NR6A1: variants seen among roughly 807,000 people sequenced by gnomAD.
The protein encoded by NR6A1 is nuclear receptor subfamily 6 group A member 1.
A neutral mutation model predicts 59.1 loss-of-function variants in NR6A1; 7 were observed. The observed-to-expected ratio is 0.12, with a 90% CI of 0.07 to 0.22. NR6A1 has a LOEUF of 0.22. Ranked by LOEUF, NR6A1 falls within the 10% of genes least tolerant of loss-of-function variation. The pLI is 1.00. For missense variants in NR6A1, 468 were observed against 611.6 expected (o/e 0.77, Z 2.48); for synonymous variants, 243 against 236.1 (o/e 1.03, Z -0.27).
chr9:124,759,696 C>T (rs936379666), intron 1 of NR6A1, among the ~76,000 whole-genome samples: 3 of 152,142 alleles, frequency 2.0e-5, no homozygotes, highest in Non-Finnish European at 4.4e-5. Flanking sequence ...TTGGGTTCAC[C>T]GAAGATTGTC....
At chr9:124,566,970 T>TAGTGGCGGGCGC (rs1157949236) in intron 2 of NR6A1, among the ~76,000 whole-genome samples, 3 of 150,670 alleles carry the variant, frequency 2.0e-5, no homozygotes, top group African/African-American at 7.3e-5. Context: ...TAGCCGGGCG[T>TAGTGGCGGGCGC]AGTGGCGGGC....
chr9:124,695,824 A>G (rs1838738431), intron 2 of NR6A1, among the ~76,000 whole-genome samples: 1 of 152,324 alleles, frequency 6.6e-6, no homozygotes, highest in South Asian at 2.1e-4. Flanking sequence ...AGAATGTCTG[A>G]CACGTACTTT....
chr9:124,581,874 T>C (rs1366619926), intron 2 of NR6A1, among the ~76,000 whole-genome samples: 1 of 152,166 alleles, frequency 6.6e-6, no homozygotes, highest in Admixed American at 6.5e-5. Flanking sequence ...CACAGTGAGA[T>C]ACCATCTCAC....
chr9:124,574,471 T>C (rs1588678438), intron 2 of NR6A1, among the ~76,000 whole-genome samples: 1 of 152,336 alleles, frequency 6.6e-6, no homozygotes, highest in South Asian at 2.1e-4. Flanking sequence ...CTTTCCTACA[T>C]GAGCTTGAAC....
At chr9:124,629,265 C>A (rs1183947051) in intron 2 of NR6A1, among the ~76,000 whole-genome samples, 1 of 152,174 alleles carries the variant, frequency 6.6e-6, no homozygotes, top group Non-Finnish European at 1.5e-5. Context: ...CAATTAAATT[C>A]GATTTTAACT....
intron 2 of NR6A1, among the ~76,000 whole-genome samples, chr9:124,583,097 G>A (rs1017300194): frequency 3.0e-4 from 45 of 152,132 alleles, no homozygotes; most frequent in Non-Finnish European, 5.7e-4. Context: ...TTCACAAGAT[G>A]TAAGTAAAAA....
At chr9:124,647,754 G>GA (rs1554739440) in intron 2 of NR6A1, among the ~76,000 whole-genome samples, 1,334 of 87,748 alleles carry the variant, frequency 0.015, 17 homozygotes, top group African/African-American at 0.087. Context: ...AAGAAAGAAA[G>GA]AAAAGAAAAA....
intron 2 of NR6A1, among the ~76,000 whole-genome samples, chr9:124,689,527 A>G (rs1308909736): frequency 6.6e-6 from 1 of 152,220 alleles, no homozygotes; most frequent in Admixed American, 6.5e-5. Flanking sequence ...GAGACAAGAG[A>G]AGCAATTACA....
chr9:124,726,639 C>A (rs76129798), intron 2 of NR6A1, among the ~76,000 whole-genome samples: 1,572 of 152,296 alleles, frequency 0.01, 27 homozygotes, highest in African/African-American at 0.036. Context: ...TAATTCGAGA[C>A]CACTCATGTT....
intron 2 of NR6A1, among the ~76,000 whole-genome samples, chr9:124,729,811 ATTT>A (rs536599510): frequency 3.6e-5 from 5 of 140,010 alleles, no homozygotes; most frequent in Admixed American, 7.2e-5. Flanking sequence ...ATTTTGTCTA[ATTT>A]TTTTTTTTTT....
At chr9:124,628,326 C>T (rs578133510) in intron 2 of NR6A1, among the ~76,000 whole-genome samples, 1 of 152,272 alleles carries the variant, frequency 6.6e-6, no homozygotes, top group African/African-American at 2.4e-5. Flanking sequence ...CCGCACCTGG[C>T]CTGCCTTTGA....
At chr9:124,598,951 A>G in intron 2 of NR6A1, 1 of 709,992 alleles carries the variant, frequency 1.4e-6, no homozygotes, top group Non-Finnish European at 2.6e-6. Context: ...AGGCATGGTC[A>G]TTACCCACGT....
chr9:124,569,112 CA>C (rs914887647), intron 2 of NR6A1, among the ~76,000 whole-genome samples: 1 of 150,312 alleles, frequency 6.7e-6, no homozygotes, highest in Non-Finnish European at 1.5e-5. Context: ...GACTCCATCT[CA>C]AAAAAAAATG....
chr9:124,663,763 C>T (rs928259471), intron 2 of NR6A1, among the ~76,000 whole-genome samples: 1 of 152,132 alleles, frequency 6.6e-6, no homozygotes, highest in Non-Finnish European at 1.5e-5. Context: ...ACTGTCAACA[C>T]TGCACAAATA....
chr9:124,678,869 G>A (rs77655951), intron 2 of NR6A1, among the ~76,000 whole-genome samples: 1,692 of 152,232 alleles, frequency 0.011, 29 homozygotes, highest in African/African-American at 0.039. Context: ...AAAAGGGAGC[G>A]ACCCAGTCCT....
At chr9:124,550,105 G>C (rs148450698) in intron 3 of NR6A1, among the ~76,000 whole-genome samples, 1 of 152,264 alleles carries the variant, frequency 6.6e-6, no homozygotes, top group African/African-American at 2.4e-5. Context: ...TTACCTCTCT[G>C]TGTGTGTATA....
intron 1 of NR6A1, among the ~76,000 whole-genome samples, chr9:124,749,784 C>T (rs533501632): frequency 4.6e-5 from 7 of 152,190 alleles, no homozygotes; most frequent in South Asian, 4.1e-4. Context: ...TCTTACATAA[C>T]GCATGTTTCT....
Position 124,609,885 on chromosome 9 carries a change from C to T in NR6A1, c.143-55315G>A, listed in dbSNP as rs149900178. Among the ~76,000 whole-genome samples the T allele has an allele frequency of 3.1e-3, 470 of 152,202 alleles. 1 individual carries two copies. Among genetic ancestry groups the T allele is most frequent in the African/African-American group, 0.01 (430 of 41,524 alleles). ...TCTTCATAGTAATTGTGAATGGGAACTCATTCATGACTTGGCTCTCTGGTT... is the reference window on the plus strand; with the variant it reads ...TCTTCATAGTAATTGTGAATGGGAATTCATTCATGACTTGGCTCTCTGGTT... On this transcript the variant is annotated intron_variant, in intron 2 of 9. Transcript: ENST00000487099.
At position 124,770,828 on chromosome 9, in the gene NR6A1, C is replaced by A. The variant is rs546986585; in HGVS notation, c.100+192G>T. Among the ~76,000 whole-genome samples the A allele has an allele frequency of 1.6e-4, 24 of 151,472 alleles. No homozygotes were observed. In the South Asian group the frequency reaches 1.9e-3, roughly 12 times the overall value. ...GGGAACAGGGACGAAGGAGGAGGAT[C>A]CACCCTGAGCGAGACCGGGGAGGAG... On this transcript the variant is annotated intron_variant, in intron 1 of 9. Coordinates refer to ENST00000487099, the MANE Select transcript of NR6A1 (RefSeq NM_033334.4).
Sources: allele counts gnomAD v4.1 joint callset (sites outside exome capture counted in the v4.1 genomes callset), GRCh38; gene constraint gnomAD v4.1.1; transcripts MANE v1.5; gene names NCBI Gene and HGNC (gene_info 2026-07-23, HGNC 2026-07-21).